HGF: variants seen among roughly 807,000 people sequenced by gnomAD.
HGF encodes hepatocyte growth factor.
A neutral mutation model predicts 111.6 loss-of-function variants in HGF; 39 were observed. That is an observed-to-expected ratio of 0.35 (90% CI 0.27 to 0.46). HGF has a LOEUF of 0.46. HGF is among the 20% of genes least tolerant of loss of function. The pLI, the probability that HGF is intolerant of heterozygous loss-of-function variation, is 1.00. For missense variants in HGF, 735 were observed against 910.5 expected, an observed-to-expected ratio of 0.81 and a Z score of 2.48; for synonymous variants, 285 against 294.8, an observed-to-expected ratio of 0.97 and a Z score of 0.34.
chr7:81,738,959 T>G (rs1485711405), intron 7 of HGF, among the ~76,000 whole-genome samples: 1 of 152,142 alleles, frequency 6.6e-6, no homozygotes, highest in African/African-American at 2.4e-5. Context: ...TGCCCAAGGC[T>G]TTTGCTATCC....
chr7:81,715,847 A>G (rs776943989), intron 11 of HGF, among the ~76,000 whole-genome samples: 37 of 152,154 alleles, frequency 2.4e-4, no homozygotes, highest in Non-Finnish European at 4.3e-4. Flanking sequence ...GCTGTTCTCA[A>G]GGTACTTGCT....
rs2115928544 is a variant in HGF at position 81,729,696 on chromosome 7, C to T, written c.949G>A (p.Val317Ile). 6.2e-7 allele frequency: 1 copy of T among 1,613,624 alleles called. No homozygotes were observed. Among genetic ancestry groups the T allele is most frequent in the Non-Finnish European group, 8.5e-7 (1 of 1,179,570 alleles). Residue 317 changes from valine to isoleucine, a missense_variant, in exon 8 of 18, where the codon GTC becomes ATC. Around this residue, in one of 3 missense-constraint regions of HGF, gnomAD observed 553 missense variants for 685.6 expected, o/e 0.81. Coordinates refer to ENST00000222390, the MANE Select transcript of HGF (RefSeq NM_000601.6). Reference protein sequence around the residue: ...QGQGEGYRGTVNTIWNGIPCQ... With the variant: ...QGQGEGYRGTINTIWNGIPCQ... ...GGAATTCCATTCCAAATGGTATTGACAGTGCCCCTGTAGCCTTCTCCTTGA... is the reference window on the plus strand; with the variant it reads ...GGAATTCCATTCCAAATGGTATTGATAGTGCCCCTGTAGCCTTCTCCTTGA...
chr7:81,765,392 C>T (rs1789308081), intron 1 of HGF, among the ~76,000 whole-genome samples: 1 of 152,046 alleles, frequency 6.6e-6, no homozygotes, highest in African/African-American at 2.4e-5. Flanking sequence ...GACAAATTTT[C>T]CAATCACTAC....
intron 7 of HGF, among the ~76,000 whole-genome samples, chr7:81,739,545 G>A (rs545701513): frequency 2.1e-5 from 2 of 94,748 alleles, no homozygotes; most frequent in Non-Finnish European, 4.0e-5. Context: ...AGATCTTTTT[G>A]TTTAGTGTCC....
chr7:81,732,198 G>A (rs554663075), intron 7 of HGF, among the ~76,000 whole-genome samples: 38 of 152,160 alleles, frequency 2.5e-4, no homozygotes, highest in African/African-American at 8.9e-4. Context: ...ACTAGTTCAA[G>A]GCTCAGTCCA....
At chr7:81,742,707 T>A in intron 7 of HGF, 1 of 1,397,566 alleles carries the variant, frequency 7.2e-7, no homozygotes, top group South Asian at 1.6e-5. Flanking sequence ...AAAAAATAGT[T>A]TTTATTGTAA....
intron 5 of HGF, among the ~76,000 whole-genome samples, chr7:81,749,884 G>T (rs1788421456): frequency 6.6e-6 from 1 of 151,818 alleles, no homozygotes; most frequent in Admixed American, 6.6e-5. Flanking sequence ...AATATATACT[G>T]TTCTATATGT....
At chr7:81,736,088 G>C (rs1787815117) in intron 7 of HGF, among the ~76,000 whole-genome samples, 1 of 151,980 alleles carries the variant, frequency 6.6e-6, no homozygotes, top group Non-Finnish European at 1.5e-5. Flanking sequence ...AGACACCTTA[G>C]TTATCAAAGA....
intron 7 of HGF, among the ~76,000 whole-genome samples, chr7:81,741,650 C>T (rs1039293230): frequency 1.3e-5 from 2 of 150,458 alleles, no homozygotes; most frequent in Non-Finnish European, 3.0e-5. Context: ...ATAAGAGTAC[C>T]TAAACCGGCC....
At chr7:81,742,407 T>C (rs1442919430) in intron 7 of HGF, among the ~76,000 whole-genome samples, 1 of 152,200 alleles carries the variant, frequency 6.6e-6, no homozygotes, top group African/African-American at 2.4e-5. Flanking sequence ...TATATTTTAC[T>C]CTAGGTGCTG....
intron 7 of HGF, among the ~76,000 whole-genome samples, chr7:81,740,454 T>C (rs59150081): frequency 0.04 from 6,145 of 152,294 alleles, 459 homozygotes; most frequent in African/African-American, 0.14. Flanking sequence ...TGGATGAAAC[T>C]TTTGAATACA....
intron 5 of HGF, chr7:81,751,770 A>AG (rs748968245): frequency 1.0e-4 from 110 of 1,088,570 alleles, no homozygotes; most frequent in Non-Finnish European, 1.2e-4. Context: ...TGCTAATGAA[A>AG]GGCTAAGCTT....
intron 7 of HGF, among the ~76,000 whole-genome samples, chr7:81,734,667 C>T (rs1787767538): frequency 6.6e-6 from 1 of 152,086 alleles, no homozygotes; most frequent in Non-Finnish European, 1.5e-5. Flanking sequence ...CTATAAAGTG[C>T]TAGCCAAAGC....
At chr7:81,766,646 T>C (rs371499447) in intron 1 of HGF, among the ~76,000 whole-genome samples, 2 of 152,156 alleles carry the variant, frequency 1.3e-5, no homozygotes, top group East Asian at 1.9e-4. Context: ...AATGAAGTGA[T>C]GTTCAGTGTG....
intron 10 of HGF, 109 bp from the exon 11 acceptor site, chr7:81,717,474 G>A: frequency 1.8e-6 from 2 of 1,087,004 alleles, no homozygotes; most frequent in South Asian, 1.3e-5. Context: ...TGTAGATACA[G>A]CATAACCTTT....
intron 4 of HGF, 52 bp from the exon 5 acceptor site, chr7:81,752,314 G>A: frequency 6.5e-7 from 1 of 1,526,798 alleles, no homozygotes; most frequent in Non-Finnish European, 9.1e-7. Flanking sequence ...ACTTTTTTTT[G>A]CCTATTAATT....
At chr7:81,703,425 C>T (rs957404943) in intron 17 of HGF, among the ~76,000 whole-genome samples, 2 of 150,756 alleles carry the variant, frequency 1.3e-5, no homozygotes, top group East Asian at 1.9e-4. Flanking sequence ...CTTTCTGTAG[C>T]GTGTCCTGTG....
At chr7:81,710,063 G>C in intron 13 of HGF, 84 bp downstream of exon 13, 1 of 966,358 alleles carries the variant, frequency 1.0e-6, no homozygotes. Flanking sequence ...ACAACCTTCA[G>C]GACCACATGT....
chr7:81,702,365 T>A lies in HGF; in HGVS notation c.*216A>T. On this transcript the variant is annotated 3_prime_UTR_variant, in exon 18 of 18. Coordinates refer to ENST00000222390, the MANE Select transcript of HGF (RefSeq NM_000601.6). ...ATCTTCAGGAGATATGTTATTACACTTGCATGTACCTTAATTCACTTCAAC... is the reference window on the plus strand; with the variant it reads ...ATCTTCAGGAGATATGTTATTACACATGCATGTACCTTAATTCACTTCAAC... 1.9e-6 allele frequency: 1 copy of A among 519,604 alleles called. No homozygotes were observed. The highest frequency in any genetic ancestry group is 3.5e-6 in the Non-Finnish European group (1 of 288,290). 32.2% of individuals were successfully genotyped at this position (519,604 alleles called of 1,614,324 possible).
Sources: allele counts gnomAD v4.1 joint callset (sites outside exome capture counted in the v4.1 genomes callset), GRCh38; gene constraint gnomAD v4.1.1; regional missense constraint gnomAD v4.1.1; transcripts MANE v1.5; gene names NCBI Gene and HGNC (gene_info 2026-07-23, HGNC 2026-07-21).